Variants in DDX31 observed in about 807,000 individuals in gnomAD.
DDX31 encodes DEAD-box helicase 31.
A neutral mutation model predicts 91.3 loss-of-function variants in DDX31; 70 were observed. That is an observed-to-expected ratio of 0.77 (90% CI 0.63 to 0.94). The LOEUF (loss-of-function observed/expected upper bound fraction) is 0.94. Ranked by LOEUF, DDX31 falls within the 40% of genes least tolerant of loss-of-function variation. The pLI is 0.00. For missense variants in DDX31, 902 were observed against 925.0 expected, an observed-to-expected ratio of 0.98 and a Z score of 0.32; for synonymous variants, 362 against 350.6, an observed-to-expected ratio of 1.03 and a Z score of -0.36.
chr9:132,599,287 A>G (rs183832887), intron 19 of DDX31, among the ~76,000 whole-genome samples: 1 of 152,360 alleles, frequency 6.6e-6, no homozygotes, highest in East Asian at 1.9e-4. Flanking sequence ...TCAGTAATGC[A>G]AGAGCTGGAA....
At chr9:132,625,540 T>C in intron 17 of DDX31, 124 bp downstream of exon 17, 1 of 760,198 alleles carries the variant, frequency 1.3e-6, no homozygotes, top group Non-Finnish European at 2.2e-6. Flanking sequence ...TCATCTAATG[T>C]TCATGGTTCT....
At chr9:132,597,390 T>A (rs1830491487) in intron 19 of DDX31, among the ~76,000 whole-genome samples, 1 of 152,206 alleles carries the variant, frequency 6.6e-6, no homozygotes, top group Non-Finnish European at 1.5e-5. Context: ...TTAGTCAGGT[T>A]ATGTGACAGA....
chr9:132,664,257 CT>C (rs1835166731), intron 1 of DDX31, among the ~76,000 whole-genome samples: 1 of 152,100 alleles, frequency 6.6e-6, no homozygotes, highest in Non-Finnish European at 1.5e-5. Context: ...ACATAACTCT[CT>C]TTTCTTTCTT....
At chr9:132,649,842 G>C (rs1834071676) in intron 9 of DDX31, among the ~76,000 whole-genome samples, 2 of 152,152 alleles carry the variant, frequency 1.3e-5, no homozygotes, top group African/African-American at 4.8e-5. Context: ...TAAAAAGCAA[G>C]TTACAAAGCA....
chr9:132,633,805 A>C (rs770252242), intron 14 of DDX31, among the ~76,000 whole-genome samples: 2 of 152,160 alleles, frequency 1.3e-5, no homozygotes, highest in Non-Finnish European at 2.9e-5. Context: ...TAATTTAAAA[A>C]GATAAACAGC....
At chr9:132,614,378 C>T (rs1446443575) in intron 18 of DDX31, among the ~76,000 whole-genome samples, 1 of 151,894 alleles carries the variant, frequency 6.6e-6, no homozygotes, top group Admixed American at 6.6e-5. Context: ...CACAGAGCCC[C>T]ACTAGATACA....
intron 1 of DDX31, among the ~76,000 whole-genome samples, chr9:132,664,921 A>C (rs1835214740): frequency 6.6e-6 from 1 of 151,800 alleles, no homozygotes; most frequent in African/African-American, 2.4e-5. Flanking sequence ...GCCACCCTGT[A>C]CTCATCCTTC....
chr9:132,643,261 T>G (rs1334982812), intron 13 of DDX31, among the ~76,000 whole-genome samples: 1 of 152,212 alleles, frequency 6.6e-6, no homozygotes, highest in Admixed American at 6.5e-5. Flanking sequence ...TAGAATGCTT[T>G]CAGTATGAGC....
intron 3 of DDX31, among the ~76,000 whole-genome samples, chr9:132,661,965 T>C (rs1436812845): frequency 6.6e-6 from 1 of 152,056 alleles, no homozygotes; most frequent in Non-Finnish European, 1.5e-5. Context: ...GCAAGTGATG[T>C]CCTGACCCTA....
At chr9:132,632,199 G>T in intron 14 of DDX31, 108 bp from the exon 15 acceptor site, 1 of 673,046 alleles carries the variant, frequency 1.5e-6, no homozygotes, top group Non-Finnish European at 2.3e-6. Context: ...CCCGCCCACA[G>T]TACATGCACA....
rs141040780 is a variant in DDX31, at chr9:132,642,786, A to G, written c.1381-723T>C. Among the ~76,000 whole-genome samples the G allele has an allele frequency of 5.1e-4, 78 of 151,978 alleles. 1 individual carries two copies. In the East Asian group the frequency reaches 0.014, roughly 28 times the overall value. On this transcript the variant is annotated intron_variant, in intron 13 of 19. Coordinates refer to ENST00000372159, the MANE Select transcript of DDX31 (RefSeq NM_022779.9). ...TAGTATTCAACTAAATGGATGCACCATTATTTACGTGACCAATGTTGTATT... is the reference window on the plus strand; with the variant it reads ...TAGTATTCAACTAAATGGATGCACCGTTATTTACGTGACCAATGTTGTATT...
intron 14 of DDX31, among the ~76,000 whole-genome samples, chr9:132,632,749 G>C (rs965972914): frequency 2.6e-5 from 4 of 152,096 alleles, no homozygotes; most frequent in Non-Finnish European, 5.9e-5. Flanking sequence ...AGCTGGATTA[G>C]AATACAGGCC....
intron 6 of DDX31, among the ~76,000 whole-genome samples, chr9:132,656,835 G>A (rs75391048): frequency 0.013 from 1,913 of 152,286 alleles, 37 homozygotes; most frequent in African/African-American, 0.043. Flanking sequence ...GTACGTAAGT[G>A]GATGAGACTT....
Position 132,652,644 on chromosome 9 carries a change from T to A in DDX31, c.589-152A>T, listed in dbSNP as rs1834275788. ...AGGTTGCCCACTGATGTGGTCTGGC[T>A]GTGCCCCCACCCAAATTTCGACTTG... On this transcript the variant is annotated intron_variant, in intron 6 of 19. Transcript: ENST00000372159. 3.2e-6 allele frequency: 3 copies of A among 936,804 alleles called. No homozygotes were observed. In the East Asian group the frequency reaches 7.9e-5, roughly 25 times the overall value. 58.0% of individuals were successfully genotyped at this position (936,804 alleles called of 1,614,324 possible). A position where few individuals can be genotyped will look rare whatever the true frequency, so the allele number is the denominator to read the frequency against.
intron 15 of DDX31, among the ~76,000 whole-genome samples, chr9:132,631,164 A>G (rs1347097133): frequency 6.6e-6 from 1 of 152,204 alleles, no homozygotes; most frequent in African/African-American, 2.4e-5. Flanking sequence ...CCATCCACTC[A>G]TTCTTCCCTA....
intron 19 of DDX31, among the ~76,000 whole-genome samples, chr9:132,608,713 C>T (rs550844880): frequency 6.6e-6 from 1 of 152,280 alleles, no homozygotes; most frequent in Admixed American, 6.5e-5. Flanking sequence ...TTCACCCATA[C>T]AAAACATAAG....
chr9:132,634,918 G>C (rs1034421038), intron 14 of DDX31, among the ~76,000 whole-genome samples: 1 of 152,150 alleles, frequency 6.6e-6, no homozygotes, highest in African/African-American at 2.4e-5. Flanking sequence ...TCAGATGGTA[G>C]GTCACGCACT....
chr9:132,653,494 C>CAAAAAAAAAAAAAAAAAAAAAAAAAAAA (rs71376648), intron 6 of DDX31, among the ~76,000 whole-genome samples: 4 of 20,662 alleles, frequency 1.9e-4, no homozygotes, highest in Non-Finnish European at 3.0e-4. Flanking sequence ...AACTCAGTCT[C>CAAAAAAAAAAAAAAAAAAAAAAAAAAAA]AAAAAAAAAA....
intron 16 of DDX31, among the ~76,000 whole-genome samples, chr9:132,627,496 G>A (rs550867417): frequency 6.6e-6 from 1 of 152,254 alleles, no homozygotes; most frequent in Admixed American, 6.5e-5. Flanking sequence ...AAACGAGATG[G>A]ATAAATAAAT....
Sources: gnomAD v4.1 joint callset for allele counts (sites outside exome capture counted in the v4.1 genomes callset) on GRCh38, gnomAD v4.1.1 for gene constraint, MANE v1.5 for transcripts, NCBI Gene and HGNC (gene_info 2026-07-23, HGNC 2026-07-21) for gene names.